Variants in FBXL7 observed in about 807,000 individuals in gnomAD.
The protein encoded by FBXL7 is F-box/LRR-repeat protein 7.
FBXL7 carries 12 observed loss-of-function variants against 38.3 expected under a neutral mutation model. The ratio of observed to expected loss-of-function variants is 0.31; its 90% CI spans 0.20 to 0.51. FBXL7 has a LOEUF of 0.51. FBXL7 is among the 20% of genes least tolerant of loss of function. The probability of loss-of-function intolerance (pLI) is 0.98; values close to 1 mark genes in which losing one functional copy is unlikely to be tolerated. For synonymous variants in FBXL7, 297 were observed against 300.9 expected, an observed-to-expected ratio of 0.99 and a Z score of 0.13; for missense variants, 567 against 676.4, an observed-to-expected ratio of 0.84 and a Z score of 1.79.
At chr5:15,699,815 G>T (rs192773308) in intron 2 of FBXL7, among the ~76,000 whole-genome samples, 83 of 152,300 alleles carry the variant, frequency 5.4e-4, no homozygotes, top group Admixed American at 4.1e-3. Context: ...TCCCCACTCT[G>T]AGTAGCCCTG....
intron 2 of FBXL7, among the ~76,000 whole-genome samples, chr5:15,862,928 G>C (rs982628825): frequency 1.3e-5 from 2 of 152,184 alleles, no homozygotes; most frequent in Non-Finnish European, 2.9e-5. Context: ...GGCCAGTAGG[G>C]CTGCTCATTC....
intron 2 of FBXL7, among the ~76,000 whole-genome samples, chr5:15,670,132 T>C (rs1742417666): frequency 6.6e-6 from 1 of 152,184 alleles, no homozygotes; most frequent in Admixed American, 6.5e-5. Flanking sequence ...CAGCATTACC[T>C]TGGTTGAGTA....
chr5:15,775,521 C>T (rs1341781574), intron 2 of FBXL7, among the ~76,000 whole-genome samples: 1 of 151,960 alleles, frequency 6.6e-6, no homozygotes, highest in Non-Finnish European at 1.5e-5. Flanking sequence ...CTGCCCATAT[C>T]TTTAGTATTT....
intron 2 of FBXL7, among the ~76,000 whole-genome samples, chr5:15,900,690 A>G (rs1470793112): frequency 3.9e-5 from 6 of 152,342 alleles, no homozygotes; most frequent in South Asian, 4.1e-4. Flanking sequence ...AAATAAATCA[A>G]TAAAACTAAA....
At chr5:15,718,185 TGAG>T (rs1296349867) in intron 2 of FBXL7, among the ~76,000 whole-genome samples, 5 of 152,118 alleles carry the variant, frequency 3.3e-5, no homozygotes, top group African/African-American at 1.2e-4. Context: ...TATATGTAAA[TGAG>T]GAGAGGGAGA....
At chr5:15,572,705 A>G (rs1580378615) in intron 1 of FBXL7, among the ~76,000 whole-genome samples, 1 of 152,128 alleles carries the variant, frequency 6.6e-6, no homozygotes, top group East Asian at 1.9e-4. Flanking sequence ...TCTATTGTGG[A>G]ACATTGACTC....
intron 1 of FBXL7, chr5:15,602,401 C>A (rs1739825767): frequency 6.6e-6 from 1 of 151,546 alleles, no homozygotes; most frequent in Admixed American, 6.6e-5. Context: ...ATGTTATGGA[C>A]CAGGGATATT....
At chr5:15,538,109 A>G (rs1486772280) in intron 1 of FBXL7, among the ~76,000 whole-genome samples, 1 of 152,168 alleles carries the variant, frequency 6.6e-6, no homozygotes, top group Non-Finnish European at 1.5e-5. Flanking sequence ...TTGAATTTTT[A>G]TCCAGGAGCA....
Position 15,928,638 on chromosome 5 carries a change from T to G in FBXL7, c.739+137T>G. The G allele has an allele frequency of 8.9e-7, 1 of 1,119,186 alleles. No individual in the cohort carries two copies. The allele number at this position is 1,119,186 out of a possible 1,614,324, so 69.3% of individuals were successfully genotyped here. On this transcript the variant is annotated intron_variant, in intron 3 of 3. Transcript: ENST00000504595. This position sits in a 1 kb window ranked among gnomAD's most constrained non-coding sequence, Gnocchi z 4.0. ...GGCGGGTGGTAGGGAGGCTGGCTTT[T>G]GCAGAGAAACTGTCTCTATGGAATC...
chr5:15,528,991 G>T (rs895355076), intron 1 of FBXL7, among the ~76,000 whole-genome samples: 4 of 152,002 alleles, frequency 2.6e-5, no homozygotes, highest in Non-Finnish European at 1.5e-5. Flanking sequence ...ATTAACTGTG[G>T]TAACCATGTT....
At chr5:15,818,325 A>G (rs1346359858) in intron 2 of FBXL7, among the ~76,000 whole-genome samples, 1 of 152,174 alleles carries the variant, frequency 6.6e-6, no homozygotes, top group African/African-American at 2.4e-5. Flanking sequence ...TGAGACATTA[A>G]AACAGAAGAG....
intron 2 of FBXL7, among the ~76,000 whole-genome samples, chr5:15,628,346 TGAA>T (rs1165582328): frequency 6.6e-6 from 1 of 151,980 alleles, no homozygotes; most frequent in Non-Finnish European, 1.5e-5. Context: ...TCCAGGAGGG[TGAA>T]GAAGGAGATG....
At chr5:15,597,470 T>TA (rs2126488580) in intron 1 of FBXL7, among the ~76,000 whole-genome samples, 1 of 130,394 alleles carries the variant, frequency 7.7e-6, no homozygotes, top group East Asian at 2.2e-4. Flanking sequence ...TATGTGAAAA[T>TA]ATCTCTCTAG....
chr5:15,677,933 T>G (rs1179368319), intron 2 of FBXL7, among the ~76,000 whole-genome samples: 1 of 152,156 alleles, frequency 6.6e-6, no homozygotes, highest in Non-Finnish European at 1.5e-5. Context: ...TTAAACCACC[T>G]TTCACCTTCC....
chr5:15,696,509 A>C (rs539495425), intron 2 of FBXL7, among the ~76,000 whole-genome samples: 54 of 152,240 alleles, frequency 3.5e-4, no homozygotes, highest in African/African-American at 1.0e-3. Flanking sequence ...GTTAATTAAG[A>C]CTTTATCCTA....
intron 2 of FBXL7, among the ~76,000 whole-genome samples, chr5:15,791,763 C>T (rs1737282613): frequency 6.6e-6 from 1 of 152,290 alleles, no homozygotes; most frequent in South Asian, 2.1e-4. Flanking sequence ...AATACCCTGA[C>T]TTCTCTCTTC....
intron 2 of FBXL7, among the ~76,000 whole-genome samples, chr5:15,732,424 T>G (rs4568364): frequency 0.64 from 97,829 of 152,068 alleles, 31,978 homozygotes; most frequent in East Asian, 0.72. Flanking sequence ...AGCTATTTTA[T>G]TAATTAAAAG....
chr5:15,567,470 TTAA>T (rs747526190), intron 1 of FBXL7, among the ~76,000 whole-genome samples: 227 of 152,240 alleles, frequency 1.5e-3, no homozygotes, highest in Non-Finnish European at 2.9e-3. Flanking sequence ...GTGAGTTGAA[TTAA>T]TAATTGGAAG....
At chr5:15,921,568 A>G (rs1170863228) in intron 2 of FBXL7, among the ~76,000 whole-genome samples, 1 of 152,152 alleles carries the variant, frequency 6.6e-6, no homozygotes, top group Non-Finnish European at 1.5e-5. Context: ...CAGGGAAAAA[A>G]AGTTTGCTCA....
Sources: gnomAD v4.1 joint callset for allele counts (sites outside exome capture counted in the v4.1 genomes callset) on GRCh38, gnomAD v4.1.1 for gene constraint, Gnocchi (gnomAD v3.1) non-coding constraint, MANE v1.5 for transcripts, NCBI Gene and HGNC (gene_info 2026-07-23, HGNC 2026-07-21) for gene names.